Variants in TLK1 observed in about 807,000 individuals in gnomAD.
TLK1 encodes the protein serine/threonine-protein kinase tousled-like 1.
Under a neutral mutation model 105.3 loss-of-function variants are expected in TLK1, and 24 were observed. That is an observed-to-expected ratio of 0.23 (90% CI 0.17 to 0.32). TLK1 has a LOEUF of 0.32. Ranked by LOEUF, TLK1 falls within the 10% of genes least tolerant of loss-of-function variation. The pLI, the probability that TLK1 is intolerant of heterozygous loss-of-function variation, is 1.00. For synonymous variants in TLK1, 321 were observed against 310.4 expected (o/e 1.03, Z -0.36); for missense variants, 558 against 910.5 (o/e 0.61, Z 4.98).
intron 11 of TLK1, among the ~76,000 whole-genome samples, chr2:171,042,703 GA>G (rs754978550): frequency 5.4e-5 from 8 of 149,488 alleles, no homozygotes; most frequent in Non-Finnish European, 7.4e-5. Context: ...GGCAATAGGA[GA>G]AACTGGTTAA....
intron 1 of TLK1, among the ~76,000 whole-genome samples, chr2:171,127,925 T>C (rs1344237): frequency 0.4 from 61,319 of 151,918 alleles, 14,118 homozygotes; most frequent in African/African-American, 0.61. Flanking sequence ...ACACACACTT[T>C]CCGAAGATTT....
At position 171,070,793 on chromosome 2, in the gene TLK1, T is replaced by C. The variant is rs534139211; in HGVS notation, c.331-9637A>G. Among the ~76,000 whole-genome samples the C allele has an allele frequency of 3.3e-4, 50 of 152,326 alleles. No individual in the cohort carries two copies. The South Asian group carries it at 0.01, about 31-fold the overall frequency. ...TTTATTTTGGGTATATATCTAGCAG[T>C]GGAATTGCTGGATCGCACGGTAGCT... On this transcript the variant is annotated intron_variant, in intron 3 of 20. Coordinates refer to ENST00000431350, the MANE Select transcript of TLK1 (RefSeq NM_012290.5).
chr2:171,105,614 A>T (rs1689886642), intron 2 of TLK1, among the ~76,000 whole-genome samples: 1 of 152,130 alleles, frequency 6.6e-6, no homozygotes, highest in East Asian at 1.9e-4. Context: ...TGAAACCAGG[A>T]GGCGGAGGCT....
chr2:171,216,636 C>A (rs1372846621), intron 1 of TLK1, among the ~76,000 whole-genome samples: 2 of 152,238 alleles, frequency 1.3e-5, no homozygotes, highest in Non-Finnish European at 1.5e-5. Context: ...GGAGTCGTAA[C>A]CCCTAGTACC....
intron 18 of TLK1, among the ~76,000 whole-genome samples, chr2:170,998,831 C>T (rs541498553): frequency 6.6e-6 from 1 of 152,150 alleles, no homozygotes; most frequent in African/African-American, 2.4e-5. Flanking sequence ...TACAGTGGTA[C>T]GATCATAGCT....
intron 1 of TLK1, among the ~76,000 whole-genome samples, chr2:171,177,236 G>A (rs1692847032): frequency 6.6e-6 from 1 of 152,070 alleles, no homozygotes; most frequent in African/African-American, 2.4e-5. Flanking sequence ...TGACCTCCTA[G>A]GCTCAAAGGA....
At chr2:171,155,724 T>C (rs1444266423) in intron 1 of TLK1, 1 of 152,152 alleles carries the variant, frequency 6.6e-6, no homozygotes, top group Non-Finnish European at 1.5e-5. Context: ...ACTACTTCTT[T>C]CCATTGTTGT....
At chr2:171,023,273 T>C (rs1685611896) in intron 12 of TLK1, 1 of 449,488 alleles carries the variant, frequency 2.2e-6, no homozygotes, top group South Asian at 1.6e-5. Flanking sequence ...GTTTAGCTGA[T>C]TCCTTCGGTC....
rs558459028 is a variant in TLK1 at position 171,174,498 on chromosome 2, A to T, written c.-5-56641T>A. ...TTTTTAATTTGCCAAGGTACTCTTCATAATTATTATTTAACATGCAATATT... is the reference window on the plus strand; with the variant it reads ...TTTTTAATTTGCCAAGGTACTCTTCTTAATTATTATTTAACATGCAATATT... On this transcript the variant is annotated intron_variant, in intron 1 of 20. Coordinates refer to the TLK1 transcript ENST00000521943. 1.2e-4 allele frequency among the ~76,000 whole-genome samples: 18 copies of T among 152,250 alleles called. No individual in the cohort carries two copies. The South Asian group carries it at 3.5e-3, about 30-fold the overall frequency.
chr2:171,022,086 A>AACACACACACACACAGACACAC (rs1553605632), intron 12 of TLK1, among the ~76,000 whole-genome samples: 22 of 103,108 alleles, frequency 2.1e-4, no homozygotes, highest in East Asian at 1.2e-3. Flanking sequence ...CTGGGCGAAA[A>AACACACACACACACAGACACAC]ACACACACAC....
rs568133860 is a variant in TLK1 at position 171,065,346 on chromosome 2, T to C, written c.331-4190A>G. Among the ~76,000 whole-genome samples the C allele has an allele frequency of 2.9e-4, 44 of 152,332 alleles. 1 individual carries two copies. The highest frequency in any genetic ancestry group is 2.5e-3 in the Admixed American group (38 of 15,306). On this transcript the variant is annotated intron_variant, in intron 3 of 20. Coordinates refer to ENST00000431350, the MANE Select transcript of TLK1 (RefSeq NM_012290.5). ...GTATCATCATCTCTAATAAAATCACTATAGTTAATAGACACAGAATATTTC... is the reference window on the plus strand; with the variant it reads ...GTATCATCATCTCTAATAAAATCACCATAGTTAATAGACACAGAATATTTC...
chr2:171,031,628 T>A (rs953812777), intron 11 of TLK1, among the ~76,000 whole-genome samples: 1 of 152,214 alleles, frequency 6.6e-6, no homozygotes, highest in African/African-American at 2.4e-5. Context: ...TTATTTTTAT[T>A]ATGCACACAT....
chr2:171,147,892 A>G (rs1179831719), intron 1 of TLK1, among the ~76,000 whole-genome samples: 2 of 149,196 alleles, frequency 1.3e-5, no homozygotes. Context: ...GTATGCAGTC[A>G]TTCCTTTTTT....
At position 170,993,642 on chromosome 2, in the gene TLK1, CAA is replaced by C; in HGVS notation, c.*136_*137del. On this transcript the variant is annotated 3_prime_UTR_variant, in exon 21 of 21. Transcript: ENST00000431350. Reference sequence around the variant, plus strand: ...TGACACTATGAGGAACTTCAGTTCACAAACAGTTCTTAACCACGTCTTGTGTA... The same window carrying C: ...TGACACTATGAGGAACTTCAGTTCACACAGTTCTTAACCACGTCTTGTGTA... The C allele has an allele frequency of 1.4e-6, 1 of 704,892 alleles. No individual in the cohort carries two copies. The allele number at this position is 704,892 out of a possible 1,614,324, so 43.7% of individuals were successfully genotyped here.
At chr2:171,213,527 A>AG (rs894111167) in intron 1 of TLK1, among the ~76,000 whole-genome samples, 1 of 151,384 alleles carries the variant, frequency 6.6e-6, no homozygotes, top group Non-Finnish European at 1.5e-5. Context: ...AAAAAAAAAA[A>AG]TTTATTTTAG....
At chr2:171,149,887 A>T (rs1442437551) in intron 1 of TLK1, among the ~76,000 whole-genome samples, 2 of 152,198 alleles carry the variant, frequency 1.3e-5, no homozygotes, top group East Asian at 3.8e-4. Context: ...AGCCTGGGTG[A>T]CAAAGTGAGA....
Position 171,053,953 on chromosome 2 carries a change from A to G in TLK1, c.640-100T>C, listed in dbSNP as rs1260243599. ...CCAAATTCAAAAGGTAAAGAAAAAT[A>G]TATTTGTGTGTATATGTAAAGTGAA... On this transcript the variant is annotated intron_variant, in intron 7 of 20. Transcript: ENST00000431350. 7.9e-6 allele frequency: 7 copies of G among 891,240 alleles called. No individual in the cohort carries two copies. In the Admixed American group the frequency reaches 1.6e-4, roughly 20 times the overall value. 55.2% of individuals were successfully genotyped at this position (891,240 alleles called of 1,614,324 possible).
chr2:170,993,794 T>C lies in TLK1; in HGVS notation c.2287A>G (p.Ile763Val), dbSNP rs745844540. The C allele has an allele frequency of 3.1e-6, 5 of 1,592,138 alleles. No individual in the cohort carries two copies. Among genetic ancestry groups the C allele is most frequent in the Non-Finnish European group, 3.4e-6 (4 of 1,169,954 alleles). Residue 763 changes from isoleucine to valine, a missense_variant, in exon 21 of 21, where the codon ATA (isoleucine) becomes GTA (valine). Ile to Val is a conservative substitution (Grantham distance 29, BLOSUM62 3). Transcript: ENST00000431350. ...TTGGAGGAAAGTCAGTAAGTAATTA[T>C]GCTTGAAGAAGGGGGTGTAGGGGAT... is the stretch of plus-strand genomic sequence containing the variant. ...TASPTPPSSS[I>V]ITY
At chr2:171,145,458 C>T (rs754305156) in intron 1 of TLK1, among the ~76,000 whole-genome samples, 12 of 151,222 alleles carry the variant, frequency 7.9e-5, no homozygotes, top group African/African-American at 1.5e-4. Context: ...GGCATGGTGG[C>T]GGGCACCTGT....
Sources: gnomAD v4.1 joint callset for allele counts (sites outside exome capture counted in the v4.1 genomes callset) on GRCh38, gnomAD v4.1.1 for gene constraint, MANE v1.5 for transcripts, NCBI Gene and HGNC (gene_info 2026-07-23, HGNC 2026-07-21) for gene names.